WDFY2: variants seen among roughly 807,000 people sequenced by gnomAD.
WDFY2 encodes the protein WD repeat and FYVE domain containing 2, also known as WD repeat and FYVE domain-containing protein 2.
Under a neutral mutation model 56.4 loss-of-function variants are expected in WDFY2, and 36 were observed. That is an observed-to-expected ratio of 0.64 (90% CI 0.49 to 0.84). The LOEUF (loss-of-function observed/expected upper bound fraction) is 0.84, where lower values mean the gene tolerates loss of function less well. Ranked by LOEUF, WDFY2 falls within the 40% of genes least tolerant of loss-of-function variation. The pLI is 0.00. For synonymous variants in WDFY2, 176 were observed against 183.7 expected, an observed-to-expected ratio of 0.96 and a Z score of 0.34; for missense variants, 444 against 512.2, an observed-to-expected ratio of 0.87 and a Z score of 1.29.
chr13:51,699,605 A>T (rs1028544278), intron 3 of WDFY2, among the ~76,000 whole-genome samples: 1 of 152,246 alleles, frequency 6.6e-6, no homozygotes, highest in Admixed American at 6.5e-5. Context: ...CTCATAGTGT[A>T]ATGAACATAA....
At chr13:51,589,517 A>G (rs1156696013) in intron 1 of WDFY2, 1 of 152,190 alleles carries the variant, frequency 6.6e-6, no homozygotes, top group Non-Finnish European at 1.5e-5. Context: ...ATGAAATTAC[A>G]CTATCCCAGT....
intron 3 of WDFY2, among the ~76,000 whole-genome samples, chr13:51,690,608 G>C (rs1365024370): frequency 2.0e-5 from 3 of 151,868 alleles, no homozygotes; most frequent in Non-Finnish European, 4.4e-5. Context: ...TTGGACATTT[G>C]GGTTGGTTCC....
intron 2 of WDFY2, among the ~76,000 whole-genome samples, chr13:51,664,766 A>G (rs143198432): frequency 3.9e-5 from 6 of 152,186 alleles, no homozygotes; most frequent in Non-Finnish European, 7.3e-5. Flanking sequence ...GTGATCTTTA[A>G]TGAGAAAGGA....
intron 6 of WDFY2, among the ~76,000 whole-genome samples, chr13:51,728,870 TG>T (rs1361284877): frequency 1.3e-5 from 2 of 152,060 alleles, no homozygotes; most frequent in Non-Finnish European, 2.9e-5. Context: ...CCTGGGGTTC[TG>T]GGGGGGACCC....
intron 2 of WDFY2, among the ~76,000 whole-genome samples, chr13:51,664,684 A>G (rs2138470059): frequency 1.3e-5 from 2 of 152,256 alleles, no homozygotes; most frequent in Middle Eastern, 3.4e-3. Context: ...TTGTAACTGC[A>G]AGTATTTGAC....
chr13:51,626,352 C>T (rs1954835814), intron 1 of WDFY2, among the ~76,000 whole-genome samples: 1 of 152,216 alleles, frequency 6.6e-6, no homozygotes, highest in Non-Finnish European at 1.5e-5. Flanking sequence ...CCTCCATTCC[C>T]TTCTCTGTAA....
intron 1 of WDFY2, among the ~76,000 whole-genome samples, chr13:51,637,259 A>T (rs916273529): frequency 9.9e-5 from 15 of 152,196 alleles, no homozygotes; most frequent in Non-Finnish European, 4.4e-5. Context: ...TGAAATTTTT[A>T]AAAAAGGGGA....
intron 1 of WDFY2, among the ~76,000 whole-genome samples, chr13:51,605,497 G>T (rs1954369509): frequency 6.6e-6 from 1 of 152,172 alleles, no homozygotes; most frequent in East Asian, 1.9e-4. Flanking sequence ...ATCCTTGAAA[G>T]GTGAAAGTTC....
chr13:51,740,713 CAAAA>C (rs5803567), intron 7 of WDFY2, among the ~76,000 whole-genome samples: 2 of 90,170 alleles, frequency 2.2e-5, no homozygotes, highest in African/African-American at 7.5e-5. Context: ...GACTCCGTCT[CAAAA>C]AAAAAAAAAA....
intron 3 of WDFY2, among the ~76,000 whole-genome samples, chr13:51,696,825 A>G (rs1032500490): frequency 2.6e-5 from 4 of 152,242 alleles, no homozygotes; most frequent in African/African-American, 9.6e-5. Context: ...AAACGAAAAT[A>G]TTATTTTATT....
Position 51,621,721 on chromosome 13 carries a change from C to T in WDFY2, c.137+36897C>T, listed in dbSNP as rs957875979. ...GCAATGTGATACTGGCCAGATTCGT[C>T]CTTTTGGGTTCCCTCAGGCCTAAAT... On this transcript the variant is annotated intron_variant, in intron 1 of 11. Coordinates refer to ENST00000298125, the MANE Select transcript of WDFY2 (RefSeq NM_052950.4). Among the ~76,000 whole-genome samples the T allele has an allele frequency of 2.6e-5, 4 of 152,198 alleles. No homozygotes were observed. The East Asian group carries it at 7.7e-4, about 29-fold the overall frequency.
intron 1 of WDFY2, among the ~76,000 whole-genome samples, chr13:51,595,108 G>A (rs192631041): frequency 6.6e-5 from 10 of 152,152 alleles, no homozygotes; most frequent in African/African-American, 2.4e-4. Flanking sequence ...GTAAGGAGAG[G>A]TGTGTAGTGG....
intron 6 of WDFY2, among the ~76,000 whole-genome samples, chr13:51,729,388 CA>C (rs1458784888): frequency 1.4e-5 from 2 of 147,342 alleles, no homozygotes; most frequent in South Asian, 4.7e-4. Flanking sequence ...CCTCTTCCTT[CA>C]AAAGCTATCA....
chr13:51,720,968 C>CTCTA (rs1952475790), intron 5 of WDFY2, among the ~76,000 whole-genome samples: 1 of 148,408 alleles, frequency 6.7e-6, no homozygotes, highest in African/African-American at 2.5e-5. Context: ...CTCTCTCTCT[C>CTCTA]TCTATTTCAC....
At chr13:51,710,960 A>T (rs1221991989) in intron 4 of WDFY2, among the ~76,000 whole-genome samples, 1 of 152,186 alleles carries the variant, frequency 6.6e-6, no homozygotes, top group Admixed American at 6.5e-5. Flanking sequence ...TATGGAACCA[A>T]AAAAGAGCCC....
chr13:51,693,968 G>A (rs1260916249), intron 3 of WDFY2, among the ~76,000 whole-genome samples: 2 of 151,560 alleles, frequency 1.3e-5, no homozygotes, highest in African/African-American at 2.4e-5. Context: ...GATCTTTGTT[G>A]GTTTAAAGTC....
chr13:51,625,930 G>A (rs897471104), intron 1 of WDFY2, among the ~76,000 whole-genome samples: 6 of 152,178 alleles, frequency 3.9e-5, no homozygotes, highest in African/African-American at 1.4e-4. Flanking sequence ...GTCATGCATT[G>A]TTTATATATT....
chr13:51,700,753 G>T (rs138991505), intron 3 of WDFY2, among the ~76,000 whole-genome samples: 2 of 151,870 alleles, frequency 1.3e-5, no homozygotes, highest in African/African-American at 2.4e-5. Flanking sequence ...ATCACCTGAG[G>T]TCGGGGGTTC....
intron 4 of WDFY2, 125 bp from the exon 5 acceptor site, chr13:51,719,072 TA>T: frequency 7.4e-7 from 1 of 1,344,794 alleles, no homozygotes; most frequent in Non-Finnish European, 1.0e-6. Context: ...ACCTTGTCCT[TA>T]AAATGGTTCT....
Sources: allele counts gnomAD v4.1 joint callset (sites outside exome capture counted in the v4.1 genomes callset), GRCh38; gene constraint gnomAD v4.1.1; transcripts MANE v1.5; gene names NCBI Gene and HGNC (gene_info 2026-07-23, HGNC 2026-07-21).